The following UBE2W variants were observed in gnomAD, a reference collection of about 807,000 sequenced individuals.
UBE2W encodes the protein ubiquitin-conjugating enzyme E2 W.
In UBE2W, 18 loss-of-function variants were observed where a neutral mutation model predicts 27.2. The observed-to-expected ratio is 0.66, with a 90% CI of 0.46 to 0.98. The LOEUF (loss-of-function observed/expected upper bound fraction) is 0.98, where lower values mean the gene tolerates loss of function less well. UBE2W is among the 50% of genes least tolerant of loss of function. UBE2W has a pLI of 0.00. For synonymous variants in UBE2W, 53 were observed against 57.2 expected, an observed-to-expected ratio of 0.93 and a Z score of 0.33; for missense variants, 90 against 180.2, an observed-to-expected ratio of 0.50 and a Z score of 2.87.
intron 1 of UBE2W, among the ~76,000 whole-genome samples, chr8:73,865,249 G>A (rs1018370477): frequency 3.6e-5 from 5 of 138,672 alleles, no homozygotes; most frequent in African/African-American, 1.1e-4. Context: ...CAAATGTTAC[G>A]AAGACGTGAA....
At chr8:73,859,155 T>C (rs1811439020) in intron 1 of UBE2W, among the ~76,000 whole-genome samples, 1 of 152,162 alleles carries the variant, frequency 6.6e-6, no homozygotes, top group Non-Finnish European at 1.5e-5. Flanking sequence ...TTGTCACTCC[T>C]GAGACAGCAA....
intron 3 of UBE2W, among the ~76,000 whole-genome samples, chr8:73,819,301 A>G (rs1472235293): frequency 6.6e-6 from 1 of 152,206 alleles, no homozygotes; most frequent in Non-Finnish European, 1.5e-5. Context: ...TGCAAACTCC[A>G]TATAAGCAGG....
rs764067674 is a variant in UBE2W at position 73,846,312 on chromosome 8, C to T, written c.16-15840G>A. The stretch of plus-strand genomic sequence containing the variant: ...TCAGGAGGCTGAGGCAGGAGAATTG[C>T]TTGAACCTGGGAGGCAGAGGTCGCA... On this transcript the variant is annotated intron_variant, in intron 1 of 5. Coordinates refer to ENST00000602593, the MANE Select transcript of UBE2W (RefSeq NM_018299.6). Among the ~76,000 whole-genome samples the T allele has an allele frequency of 1.1e-4, 17 of 152,262 alleles. 1 individual carries two copies. The South Asian group carries it at 2.7e-3, about 24-fold the overall frequency.
At position 73,813,083 on chromosome 8, in the gene UBE2W, CAAAAA is replaced by C. The variant is rs56094830; in HGVS notation, c.211-2459_211-2455del. Among the ~76,000 whole-genome samples the C allele has an allele frequency of 2.0e-3, 85 of 43,462 alleles. No homozygotes were observed. The East Asian group carries it at 0.042, about 21-fold the overall frequency. 28.5% of individuals were successfully genotyped at this position (43,462 alleles called of 152,430 possible). A position where few individuals can be genotyped will look rare whatever the true frequency, so the allele number is the denominator to read the frequency against. Reference sequence around the variant, plus strand: ...GAAGAATAGTGATCTGAAAGTGCCACAAAAAAAAAAAAAAAAAAAAAAAAAAGAAC... The same window carrying C: ...GAAGAATAGTGATCTGAAAGTGCCACAAAAAAAAAAAAAAAAAAAAAGAAC... On this transcript the variant is annotated intron_variant, in intron 3 of 5. Coordinates refer to ENST00000602593, the MANE Select transcript of UBE2W (RefSeq NM_018299.6).
intron 1 of UBE2W, among the ~76,000 whole-genome samples, chr8:73,836,567 A>G (rs1009170004): frequency 6.6e-6 from 1 of 152,218 alleles, no homozygotes; most frequent in Non-Finnish European, 1.5e-5. Flanking sequence ...AAATGTAGAC[A>G]TGGAAGAGCT....
At chr8:73,783,638 T>G (rs2130826104), downstream of UBE2W, among the ~76,000 whole-genome samples, 1 of 152,248 alleles carries the variant, frequency 6.6e-6, no homozygotes, top group Admixed American at 6.5e-5. Flanking sequence ...CATCCCCACA[T>G]CCCCAGCTCT....
intron 4 of UBE2W, chr8:73,780,667 A>T: frequency 3.0e-6 from 1 of 332,570 alleles, no homozygotes; most frequent in Non-Finnish European, 5.9e-6. Context: ...ACTACAGGTG[A>T]CACCACCACA....
chr8:73,859,981 T>C (rs1039693299), intron 1 of UBE2W, among the ~76,000 whole-genome samples: 19 of 151,988 alleles, frequency 1.3e-4, no homozygotes, highest in Non-Finnish European at 2.9e-5. Flanking sequence ...ATTTCAGAAA[T>C]GAGGAAAAGT....
intron 3 of UBE2W, among the ~76,000 whole-genome samples, chr8:73,820,920 G>A (rs1002323777): frequency 6.6e-6 from 1 of 152,072 alleles, no homozygotes; most frequent in Non-Finnish European, 1.5e-5. Context: ...CACAGCATAG[G>A]TAGATGACAA....
chr8:73,784,196 T>C (rs1214174191), downstream of UBE2W, among the ~76,000 whole-genome samples: 1 of 152,224 alleles, frequency 6.6e-6, no homozygotes. Flanking sequence ...CAGTTTGTCA[T>C]GTTCCCTGAA....
chr8:73,868,333 T>C (rs771232676), intron 1 of UBE2W, among the ~76,000 whole-genome samples: 2 of 152,150 alleles, frequency 1.3e-5, no homozygotes, highest in Admixed American at 6.5e-5. Context: ...AATAAGAACA[T>C]AGCCACATAC....
intron 1 of UBE2W, among the ~76,000 whole-genome samples, chr8:73,860,169 C>G (rs1309283521): frequency 1.3e-5 from 2 of 152,072 alleles, no homozygotes; most frequent in Non-Finnish European, 2.9e-5. Context: ...AAGATACTCT[C>G]ATTGAAGCAT....
In UBE2W at chr8:73,801,160, T is replaced by G. The variant is rs181383911; in HGVS notation, c.442+4491A>C. Among the ~76,000 whole-genome samples the G allele has an allele frequency of 2.0e-4, 31 of 152,320 alleles. No homozygotes were observed. The East Asian group carries it at 5.6e-3, about 27-fold the overall frequency. ...AATTCTAATTTAAAGAATTAATCCTTATATTTCTGGTTTTATCTTTCCCCA... is the reference window on the plus strand; with the variant it reads ...AATTCTAATTTAAAGAATTAATCCTGATATTTCTGGTTTTATCTTTCCCCA... On this transcript the variant is annotated intron_variant, in intron 5 of 5. Coordinates refer to ENST00000602593, the MANE Select transcript of UBE2W (RefSeq NM_018299.6).
At chr8:73,831,728 A>T (rs79258892) in intron 1 of UBE2W, 3,756 of 149,150 alleles carry the variant, frequency 0.025, 157 homozygotes, top group African/African-American at 0.086. Context: ...AAAAAAAAAA[A>T]TTTTTTTTTT....
At chr8:73,819,486 C>A (rs1294918736) in intron 3 of UBE2W, among the ~76,000 whole-genome samples, 7 of 152,174 alleles carry the variant, frequency 4.6e-5, no homozygotes, top group Non-Finnish European at 1.0e-4. Context: ...TGTACTCTCT[C>A]CCCTCTCTCA....
chr8:73,842,462 G>C (rs1198813573), intron 1 of UBE2W, among the ~76,000 whole-genome samples: 1 of 143,858 alleles, frequency 7.0e-6, no homozygotes, highest in Non-Finnish European at 1.5e-5. Context: ...CCGGGAGGTG[G>C]AGCTTGCAGT....
At chr8:73,806,473 G>T (rs1378227253) in intron 4 of UBE2W, among the ~76,000 whole-genome samples, 1 of 151,382 alleles carries the variant, frequency 6.6e-6, no homozygotes, top group African/African-American at 2.4e-5. Flanking sequence ...GCCGAGGCGG[G>T]TGGATCACGA....
intron 1 of UBE2W, among the ~76,000 whole-genome samples, chr8:73,839,653 T>C (rs1810456408): frequency 6.8e-6 from 1 of 146,434 alleles, no homozygotes; most frequent in Non-Finnish European, 1.5e-5. Flanking sequence ...CAAGACTCCA[T>C]CTCAAAAAAA....
intron 1 of UBE2W, among the ~76,000 whole-genome samples, chr8:73,866,399 C>T (rs1811775377): frequency 6.8e-6 from 1 of 147,450 alleles, no homozygotes; most frequent in Non-Finnish European, 1.5e-5. Flanking sequence ...AACAGCTCTC[C>T]ACTCACCCAG....
Sources: gnomAD v4.1 joint callset for allele counts (sites outside exome capture counted in the v4.1 genomes callset) on GRCh38, gnomAD v4.1.1 for gene constraint, MANE v1.5 for transcripts, NCBI Gene and HGNC (gene_info 2026-07-23, HGNC 2026-07-21) for gene names.